Variants in BCCIP observed in about 807,000 individuals in gnomAD.
BCCIP encodes BRCA2 and CDKN1A interacting protein.
A neutral mutation model predicts 32.8 loss-of-function variants in BCCIP; 23 were observed. That is an observed-to-expected ratio of 0.70 (90% CI 0.51 to 0.99). The LOEUF (loss-of-function observed/expected upper bound fraction) is 0.99, where lower values mean the gene tolerates loss of function less well. Ranked by LOEUF, BCCIP falls within the 50% of genes least tolerant of loss-of-function variation. BCCIP has a pLI of 0.00. For synonymous variants in BCCIP, 144 were observed against 137.6 expected (o/e 1.05, Z -0.33); for missense variants, 378 against 379.8 (o/e 1.00, Z 0.04).
In BCCIP at chr10:125,836,430, G is replaced by C. The variant is rs1171523225; in HGVS notation, c.*156G>C. On this transcript the variant is annotated 3_prime_UTR_variant, in exon 7 of 7. Coordinates refer to ENST00000278100, the MANE Select transcript of BCCIP (RefSeq NM_078468.3). The stretch of plus-strand genomic sequence containing the variant: ...TCTCTGACACATTTACAAAATACCA[G>C]TTTTTTAAAATTTTGGTCAAATTAT... The C allele has an allele frequency of 2.1e-6, 3 of 1,439,058 alleles. No individual in the cohort carries two copies. The highest frequency in any genetic ancestry group is 2.7e-6 in the Non-Finnish European group (3 of 1,102,608). The allele number at this position is 1,439,058 out of a possible 1,614,324, so 89.1% of individuals were successfully genotyped here.
intron 1 of BCCIP, among the ~76,000 whole-genome samples, chr10:125,823,927 G>C (rs1387077269): frequency 6.6e-6 from 1 of 152,170 alleles, no homozygotes; most frequent in Non-Finnish European, 1.5e-5. Flanking sequence ...GTCCGGTCCA[G>C]TTAATCTCCC....
In BCCIP at chr10:125,850,445, C is replaced by T. The variant is rs1197064844; in HGVS notation, c.851-2680C>T. ...CAATCTTGGTTCACCGCAACCTCCA[C>T]CTCCTGAGTTCAAGTGATTCTCCTG... On this transcript the variant is annotated intron_variant, in intron 7 of 7. Coordinates refer to the BCCIP transcript ENST00000368759. 2.6e-5 allele frequency among the ~76,000 whole-genome samples: 4 copies of T among 151,072 alleles called. No homozygotes were observed. The East Asian group carries it at 5.8e-4, about 22-fold the overall frequency.
chr10:125,825,308 A>T (rs1387216838), intron 1 of BCCIP, among the ~76,000 whole-genome samples: 1 of 152,202 alleles, frequency 6.6e-6, no homozygotes, highest in African/African-American at 2.4e-5. Flanking sequence ...GTGCCATAAT[A>T]GTCTGGGACA....
exon 7 of BCCIP, chr10:125,842,769 T>C (rs1854916936): frequency 1.1e-6 from 1 of 935,206 alleles, no homozygotes; most frequent in South Asian, 5.0e-5. Flanking sequence ...AAAGATGTTA[T>C]TTCCCAGTGC....
intron 1 of BCCIP, among the ~76,000 whole-genome samples, chr10:125,824,071 G>A (rs1391786397): frequency 6.6e-6 from 1 of 152,232 alleles, no homozygotes; most frequent in Non-Finnish European, 1.5e-5. Flanking sequence ...CCTCGGGGCA[G>A]CAGCTGTCCT....
downstream of BCCIP, chr10:125,842,824 A>G: frequency 1.1e-6 from 1 of 938,426 alleles, no homozygotes; most frequent in Non-Finnish European, 1.3e-6. Flanking sequence ...CCATCTCTTT[A>G]TTTCTTTTAA....
At chr10:125,841,740 T>C (rs1854885119) in exon 7 of BCCIP, 1 of 1,608,350 alleles carries the variant, frequency 6.2e-7, no homozygotes, top group Non-Finnish European at 8.5e-7. Context: ...TCATTAAGGA[T>C]ACCTGTTACC....
exon 7 of BCCIP, chr10:125,841,805 A>G: frequency 6.2e-7 from 1 of 1,613,646 alleles, no homozygotes; most frequent in Non-Finnish European, 8.5e-7. Context: ...GGACGCTAAG[A>G]TAGACTTCGA....
downstream of BCCIP, chr10:125,836,568 T>C (rs1854691881): frequency 2.9e-6 from 4 of 1,382,754 alleles, no homozygotes; most frequent in Non-Finnish European, 3.8e-6. Context: ...CAGTGTTATT[T>C]TCTTCAAGAC....
exon 8 of BCCIP, chr10:125,853,153 G>A (rs1944113906): frequency 1.2e-6 from 2 of 1,610,638 alleles, no homozygotes; most frequent in Non-Finnish European, 8.5e-7. Flanking sequence ...TGACAGCCCT[G>A]GTTTCTCTGA....
chr10:125,840,544 C>T (rs1163941567), downstream of BCCIP, among the ~76,000 whole-genome samples: 2 of 152,204 alleles, frequency 1.3e-5, no homozygotes, highest in Non-Finnish European at 2.9e-5. Flanking sequence ...GACCCATGTA[C>T]GAGTCTGTGT....
At chr10:125,841,238 T>C, downstream of BCCIP, 1 of 1,611,324 alleles carries the variant, frequency 6.2e-7, no homozygotes, top group Non-Finnish European at 8.5e-7. Flanking sequence ...GTTAATATCC[T>C]GCTTCTATTC....
At position 125,826,588 on chromosome 10, in the gene BCCIP, C is replaced by T; in HGVS notation, c.166-3C>T. The T allele has an allele frequency of 1.2e-6, 2 of 1,613,020 alleles. No individual in the cohort carries two copies. The highest frequency in any genetic ancestry group is 1.7e-6 in the Non-Finnish European group (2 of 1,179,556). ...TAACAACTATTTTGTGTGTTATTTACAGGAAGTGAATATTGAATTTGAAGC... is the reference window on the plus strand; with the variant it reads ...TAACAACTATTTTGTGTGTTATTTATAGGAAGTGAATATTGAATTTGAAGC... On this transcript the variant is annotated splice_polypyrimidine_tract_variant and splice_region_variant and intron_variant, in intron 1 of 6. Transcript: ENST00000278100.
downstream of BCCIP, among the ~76,000 whole-genome samples, chr10:125,844,839 T>A (rs1015490730): frequency 6.6e-6 from 1 of 152,238 alleles, no homozygotes; most frequent in Non-Finnish European, 1.5e-5. Context: ...TCATCTTTAT[T>A]AAGCTCGCTT....
At chr10:125,832,150 G>T (rs1854534899) in intron 5 of BCCIP, among the ~76,000 whole-genome samples, 1 of 151,890 alleles carries the variant, frequency 6.6e-6, no homozygotes, top group Non-Finnish European at 1.5e-5. Flanking sequence ...TCTGTGCTTT[G>T]CAACAGAGGA....
chr10:125,841,973 T>C (rs1854894164), exon 7 of BCCIP: 2 of 1,517,666 alleles, frequency 1.3e-6, no homozygotes, highest in South Asian at 2.7e-5. Context: ...GAGTCTCATA[T>C]GGCTAAGATG....
chr10:125,830,689 T>C, intron 4 of BCCIP, 38 bp downstream of exon 4: 2 of 1,325,796 alleles, frequency 1.5e-6, no homozygotes, highest in East Asian at 4.6e-5. Context: ...GGTTATTTCT[T>C]AGGCCAAAAC....
rs774523614 is a variant in BCCIP at position 125,841,849 on chromosome 10, G to T, written c.*490G>T. ...GATCAAGAGGAAACTCTGACATGATGATTCCAAATTCAGAAAGATTTCCAT... is the reference window on the plus strand; with the variant it reads ...GATCAAGAGGAAACTCTGACATGATTATTCCAAATTCAGAAAGATTTCCAT... On this transcript the variant is annotated 3_prime_UTR_variant, in exon 7 of 7. Coordinates refer to the BCCIP transcript ENST00000299130. 6 of 1,613,598 alleles carry T rather than the reference G, an allele frequency of 3.7e-6. No individual in the cohort carries two copies. The African/African-American group carries it at 8.0e-5, about 22-fold the overall frequency.
chr10:125,829,944 A>G (rs1034628474), intron 3 of BCCIP, among the ~76,000 whole-genome samples: 7 of 152,210 alleles, frequency 4.6e-5, no homozygotes, highest in African/African-American at 1.7e-4. Flanking sequence ...TCTTGTTCTT[A>G]GTAAAGGGAC....
Sources: gnomAD v4.1 joint callset for allele counts (sites outside exome capture counted in the v4.1 genomes callset) on GRCh38, gnomAD v4.1.1 for gene constraint, MANE v1.5 for transcripts, NCBI Gene and HGNC (gene_info 2026-07-23, HGNC 2026-07-21) for gene names.